The following ERC1 variants were observed in gnomAD, a reference collection of about 807,000 sequenced individuals.
ERC1 encodes RAB6 interacting protein 2.
ERC1 carries 56 observed loss-of-function variants against 132.0 expected under a neutral mutation model. That is an observed-to-expected ratio of 0.42 (90% CI 0.34 to 0.53). The LOEUF (loss-of-function observed/expected upper bound fraction) is 0.53, where lower values mean the gene tolerates loss of function less well. ERC1 is among the 20% of genes least tolerant of loss of function. The pLI is 0.03. For synonymous variants in ERC1, 478 were observed against 476.1 expected (o/e 1.00, Z -0.05); for missense variants, 1,202 against 1,349.9 (o/e 0.89, Z 1.72).
chr12:1,417,510 T>C (rs938412170), intron 17 of ERC1, among the ~76,000 whole-genome samples: 1 of 151,604 alleles, frequency 6.6e-6, no homozygotes, highest in African/African-American at 2.4e-5. Flanking sequence ...CCGAGCGCGG[T>C]GGCTCATACC....
chr12:1,130,766 T>C (rs1273679174), intron 7 of ERC1, among the ~76,000 whole-genome samples: 5 of 151,888 alleles, frequency 3.3e-5, no homozygotes, highest in African/African-American at 9.7e-5. Flanking sequence ...GAAACAGTAC[T>C]CTAAAACAGT....
At position 1,493,509 on chromosome 12, in the gene ERC1, C is replaced by T. The variant is rs1185774419; in HGVS notation, c.*3279C>T. The T allele has an allele frequency of 8.0e-6, 1 of 124,702 alleles. No homozygotes were observed. The highest frequency in any genetic ancestry group is 3.0e-5 in the African/African-American group (1 of 33,000). 7.7% of individuals were successfully genotyped at this position (124,702 alleles called of 1,614,324 possible). On this transcript the variant is annotated 3_prime_UTR_variant, in exon 19 of 19. Coordinates refer to ENST00000360905, the MANE Select transcript of ERC1 (RefSeq NM_178040.4). ...CCGAGATCGTGTCACTGCACTCCAG[C>T]CTGGGTGACAGAGACTCCATTTAAA...
chr12:1,022,185 G>A (rs1966488058), intron 1 of ERC1, among the ~76,000 whole-genome samples: 1 of 152,086 alleles, frequency 6.6e-6, no homozygotes, highest in Admixed American at 6.6e-5. Flanking sequence ...CCAAAGTGCT[G>A]GGATTACAGG....
intron 15 of ERC1, among the ~76,000 whole-genome samples, chr12:1,315,124 A>G (rs188616462): frequency 1.3e-5 from 2 of 152,100 alleles, no homozygotes; most frequent in African/African-American, 4.8e-5. Context: ...GGTTCAAGCA[A>G]TTTTCCTTCC....
chr12:1,298,926 G>C (rs537235722), intron 15 of ERC1, among the ~76,000 whole-genome samples: 115 of 152,184 alleles, frequency 7.6e-4, no homozygotes, highest in African/African-American at 2.6e-3. Flanking sequence ...TATTCCCAGA[G>C]ATAAGAAAAG....
intron 1 of ERC1, among the ~76,000 whole-genome samples, chr12:993,477 A>G (rs1056682624): frequency 3.9e-5 from 6 of 152,232 alleles, no homozygotes; most frequent in Admixed American, 3.3e-4. Context: ...TTATTTTTCA[A>G]AAAATGTTGC....
chr12:1,036,134 A>G (rs1470427143), intron 2 of ERC1, among the ~76,000 whole-genome samples: 6 of 152,104 alleles, frequency 3.9e-5, no homozygotes, highest in Non-Finnish European at 7.4e-5. Flanking sequence ...AGGTGAATTT[A>G]ATGTTTTTTG....
intron 11 of ERC1, among the ~76,000 whole-genome samples, 154 bp downstream of exon 11, chr12:1,183,575 T>G (rs1429159428): frequency 2.0e-5 from 3 of 152,230 alleles, no homozygotes; most frequent in African/African-American, 4.8e-5. Flanking sequence ...CTTAGCATTC[T>G]TATCCTACTT....
chr12:1,242,445 C>T (rs1391305648), intron 13 of ERC1, among the ~76,000 whole-genome samples: 1 of 151,916 alleles, frequency 6.6e-6, no homozygotes, highest in Non-Finnish European at 1.5e-5. Flanking sequence ...AAGCTAATAT[C>T]CAGATTACAA....
At chr12:1,003,536 C>T (rs745655657) in intron 1 of ERC1, among the ~76,000 whole-genome samples, 16 of 152,158 alleles carry the variant, frequency 1.1e-4, no homozygotes, top group African/African-American at 1.7e-4. Context: ...TGTTTTTCTT[C>T]GCAATTCTTA....
intron 17 of ERC1, among the ~76,000 whole-genome samples, chr12:1,439,291 A>G (rs1484010463): frequency 1.3e-5 from 2 of 152,208 alleles, no homozygotes; most frequent in African/African-American, 2.4e-5. Flanking sequence ...GTATTGAATG[A>G]TACAGGAACA....
At chr12:1,181,871 G>T in intron 9 of ERC1, 54 bp from the exon 10 acceptor site, 1 of 1,546,934 alleles carries the variant, frequency 6.5e-7, no homozygotes, top group Non-Finnish European at 8.8e-7. Flanking sequence ...CAGAATTACA[G>T]TCATATAAGT....
intron 1 of ERC1, among the ~76,000 whole-genome samples, chr12:1,021,626 G>A (rs1349905669): frequency 6.6e-6 from 1 of 151,618 alleles, no homozygotes; most frequent in Non-Finnish European, 1.5e-5. Context: ...ATGAACCCGG[G>A]AGGCGGAGCT....
chr12:1,451,383 CAGGAGG>C (rs1479112100), intron 18 of ERC1, among the ~76,000 whole-genome samples: 1 of 152,130 alleles, frequency 6.6e-6, no homozygotes, highest in Non-Finnish European at 1.5e-5. Context: ...GAGGCCAAAG[CAGGAGG>C]ATTGCTTGAG....
At chr12:1,216,105 C>T (rs1958381530) in intron 12 of ERC1, among the ~76,000 whole-genome samples, 1 of 151,992 alleles carries the variant, frequency 6.6e-6, no homozygotes, top group Non-Finnish European at 1.5e-5. Context: ...TTGGTCTCCC[C>T]CTCTCCTTCC....
At chr12:1,208,764 T>C (rs897693361) in intron 12 of ERC1, among the ~76,000 whole-genome samples, 1 of 152,076 alleles carries the variant, frequency 6.6e-6, no homozygotes, top group Non-Finnish European at 1.5e-5. Flanking sequence ...ATAATGATAT[T>C]GCAATCAGCA....
chr12:1,074,427 A>G (rs1219803263), intron 2 of ERC1, among the ~76,000 whole-genome samples: 1 of 152,024 alleles, frequency 6.6e-6, no homozygotes, highest in Non-Finnish European at 1.5e-5. Flanking sequence ...CAGCCTCCCG[A>G]ATAGCTGGGA....
Position 1,367,973 on chromosome 12 carries a change from T to A in ERC1, c.2781-3860T>A, listed in dbSNP as rs976245053. Among the ~76,000 whole-genome samples, 36 of 146,056 alleles carry A rather than the reference T, an allele frequency of 2.5e-4. 2 individuals are homozygous for A. Among genetic ancestry groups the A allele is most frequent in the African/African-American group, 5.1e-4 (20 of 39,076 alleles). On this transcript the variant is annotated intron_variant, in intron 15 of 18. Transcript: ENST00000360905. ...TTCCTTTTTTTTTTTTTTTTTTTTT[T>A]AACTCTGGAAAAGAAGGGAACAGAA...
At chr12:1,425,179 C>T (rs1747667256) in intron 17 of ERC1, among the ~76,000 whole-genome samples, 1 of 152,094 alleles carries the variant, frequency 6.6e-6, no homozygotes, top group African/African-American at 2.4e-5. Flanking sequence ...GTTGTGTAAA[C>T]AAAACTATCT....
Sources: gnomAD v4.1 joint callset for allele counts (sites outside exome capture counted in the v4.1 genomes callset) on GRCh38, gnomAD v4.1.1 for gene constraint, MANE v1.5 for transcripts, NCBI Gene and HGNC (gene_info 2026-07-23, HGNC 2026-07-21) for gene names.